Variants in KCNK2 observed in about 807,000 individuals in gnomAD.
KCNK2 encodes the protein potassium two pore domain channel subfamily K member 2.
KCNK2 carries 21 observed loss-of-function variants against 40.5 expected under a neutral mutation model. That is an observed-to-expected ratio of 0.52 (90% CI 0.37 to 0.75). The LOEUF is 0.75. Among genes scored for constraint, KCNK2 ranks in the 30% least tolerant of loss-of-function variants. The pLI, the probability that KCNK2 is intolerant of heterozygous loss-of-function variation, is 0.00. For missense variants in KCNK2, 399 were observed against 531.6 expected (o/e 0.75, Z 2.45); for synonymous variants, 191 against 202.2 (o/e 0.94, Z 0.47).
intron 2 of KCNK2, among the ~76,000 whole-genome samples, chr1:215,089,681 G>A (rs1558085669): frequency 6.6e-6 from 1 of 152,080 alleles, no homozygotes; most frequent in Admixed American, 6.6e-5. Flanking sequence ...TCAAGACAAG[G>A]TTGAGGAGGG....
intron 2 of KCNK2, among the ~76,000 whole-genome samples, chr1:215,107,603 G>C (rs1050663711): frequency 2.0e-5 from 3 of 152,204 alleles, no homozygotes; most frequent in East Asian, 3.9e-4. Context: ...TAGTGATGTT[G>C]AGCATCTTTT....
chr1:215,178,821 CT>C (rs1374656453), intron 5 of KCNK2, among the ~76,000 whole-genome samples: 2 of 152,010 alleles, frequency 1.3e-5, no homozygotes, highest in Non-Finnish European at 2.9e-5. Context: ...GTTATTGTGT[CT>C]TTTGCCATAT....
intron 2 of KCNK2, among the ~76,000 whole-genome samples, chr1:215,094,588 C>T (rs550963746): frequency 3.0e-4 from 46 of 152,212 alleles, no homozygotes; most frequent in African/African-American, 1.1e-3. Context: ...CACTCTCTGC[C>T]CATATGTTCA....
At chr1:215,131,474 GA>G (rs1417072659) in intron 3 of KCNK2, among the ~76,000 whole-genome samples, 4 of 145,108 alleles carry the variant, frequency 2.8e-5, no homozygotes, top group African/African-American at 1.0e-4. Flanking sequence ...ATTATATATT[GA>G]TATTAATGTA....
intron 3 of KCNK2, among the ~76,000 whole-genome samples, chr1:215,141,452 G>C (rs997182729): frequency 1.3e-5 from 2 of 152,036 alleles, no homozygotes; most frequent in African/African-American, 4.8e-5. Flanking sequence ...ATAATCTTTT[G>C]AGACTGCTGT....
At chr1:215,038,182 T>C (rs1278140848) in intron 1 of KCNK2, among the ~76,000 whole-genome samples, 1 of 152,058 alleles carries the variant, frequency 6.6e-6, no homozygotes, top group African/African-American at 2.4e-5. Context: ...ATTAGGAACA[T>C]TGTAGACTCA....
chr1:215,216,654 T>C (rs1665975863), intron 6 of KCNK2, among the ~76,000 whole-genome samples: 1 of 137,942 alleles, frequency 7.2e-6, no homozygotes, highest in Non-Finnish European at 1.6e-5. Flanking sequence ...CAGGTGAAAT[T>C]AATTTTAATA....
intron 6 of KCNK2, among the ~76,000 whole-genome samples, chr1:215,208,603 C>T (rs979117352): frequency 3.9e-5 from 6 of 152,048 alleles, no homozygotes; most frequent in Non-Finnish European, 7.4e-5. Flanking sequence ...CATAAGCTCC[C>T]GACATCAGCA....
intron 1 of KCNK2, among the ~76,000 whole-genome samples, chr1:215,070,233 A>G (rs1001880779): frequency 2.8e-5 from 3 of 107,966 alleles, no homozygotes; most frequent in Non-Finnish European, 5.7e-5. Context: ...ACATGGTGAA[A>G]CCCCATCTCT....
chr1:215,149,196 G>A (rs1240979620), intron 3 of KCNK2, among the ~76,000 whole-genome samples: 2 of 152,190 alleles, frequency 1.3e-5, no homozygotes, highest in African/African-American at 4.8e-5. Context: ...CTAGGAAGCA[G>A]GGAAGGAGAA....
At chr1:215,112,754 T>G (rs2102565072) in intron 2 of KCNK2, among the ~76,000 whole-genome samples, 1 of 152,306 alleles carries the variant, frequency 6.6e-6, no homozygotes, top group South Asian at 2.1e-4. Flanking sequence ...ACAGTTGCCT[T>G]AAGTATTCAG....
chr1:215,119,047 A>G (rs1661068102), intron 2 of KCNK2, among the ~76,000 whole-genome samples: 1 of 152,178 alleles, frequency 6.6e-6, no homozygotes, highest in Non-Finnish European at 1.5e-5. Context: ...TTTAAGATCC[A>G]CAATATAGCC....
At chr1:215,136,710 A>G (rs1661935806) in intron 3 of KCNK2, among the ~76,000 whole-genome samples, 1 of 152,136 alleles carries the variant, frequency 6.6e-6, no homozygotes, top group Admixed American at 6.5e-5. Flanking sequence ...AGAATGAGGC[A>G]CATTGAACAC....
intron 1 of KCNK2, among the ~76,000 whole-genome samples, chr1:215,070,679 C>A (rs1658725429): frequency 6.6e-6 from 1 of 152,038 alleles, no homozygotes. Context: ...TTGGTCCCTC[C>A]CATGACACAT....
chr1:215,152,334 C>T (rs558392373), intron 3 of KCNK2, among the ~76,000 whole-genome samples: 16 of 152,212 alleles, frequency 1.1e-4, no homozygotes, highest in African/African-American at 3.6e-4. Flanking sequence ...TAGAGAAATG[C>T]AAAAACAGTT....
intron 3 of KCNK2, among the ~76,000 whole-genome samples, chr1:215,156,479 C>T (rs1662930447): frequency 6.6e-6 from 1 of 152,180 alleles, no homozygotes; most frequent in South Asian, 2.1e-4. Flanking sequence ...CCTGCAGTCC[C>T]CTACATTTGA....
intron 2 of KCNK2, among the ~76,000 whole-genome samples, chr1:215,096,225 C>T (rs577759254): frequency 6.7e-4 from 101 of 151,864 alleles, no homozygotes; most frequent in Non-Finnish European, 1.2e-3. Flanking sequence ...CACACATACA[C>T]ATCTTTCCAC....
intron 1 of KCNK2, among the ~76,000 whole-genome samples, chr1:215,068,768 A>G (rs1463520659): frequency 6.6e-6 from 1 of 152,232 alleles, no homozygotes; most frequent in Non-Finnish European, 1.5e-5. Flanking sequence ...GGTATAACAT[A>G]TGAGTCTTAG....
chr1:215,163,072 T>C (rs930098730), intron 3 of KCNK2, among the ~76,000 whole-genome samples: 10 of 152,104 alleles, frequency 6.6e-5, no homozygotes, highest in Admixed American at 2.6e-4. Context: ...ATGGAATGTT[T>C]TTCCATTTGT....
Sources: allele counts gnomAD v4.1 joint callset (sites outside exome capture counted in the v4.1 genomes callset), GRCh38; gene constraint gnomAD v4.1.1; transcripts MANE v1.5; gene names NCBI Gene and HGNC (gene_info 2026-07-23, HGNC 2026-07-21).